Variants in API5 observed in about 807,000 individuals in gnomAD.
API5 encodes the protein apoptosis inhibitor 5.
A neutral mutation model predicts 71.9 loss-of-function variants in API5; 6 were observed. The observed-to-expected ratio is 0.08, with a 90% confidence interval of 0.05 to 0.16. The LOEUF is 0.16. Ranked by LOEUF, API5 falls within the 10% of genes least tolerant of loss-of-function variation. The pLI is 1.00. For synonymous variants in API5, 189 were observed against 221.3 expected (o/e 0.85, Z 1.30); for missense variants, 332 against 612.8 (o/e 0.54, Z 4.84).
intron 2 of API5, among the ~76,000 whole-genome samples, chr11:43,320,405 T>C (rs963543983): frequency 2.0e-5 from 3 of 152,102 alleles, no homozygotes; most frequent in Non-Finnish European, 2.9e-5. Flanking sequence ...TTGTGACTCG[T>C]ATGCCCCTAA....
intron 5 of API5, 41 bp from the exon 6 acceptor site, chr11:43,323,389 A>C (rs931644570): frequency 1.3e-6 from 2 of 1,524,818 alleles, no homozygotes; most frequent in African/African-American, 2.7e-5. Flanking sequence ...GTCCCATTCA[A>C]ATGATGAACA....
At chr11:43,315,167 C>T (rs1854627730) in intron 1 of API5, among the ~76,000 whole-genome samples, 1 of 152,158 alleles carries the variant, frequency 6.6e-6, no homozygotes, top group African/African-American at 2.4e-5. Context: ...ATTCCCTCCC[C>T]ATTATTGTCA....
chr11:43,312,117 T>A lies in API5; in HGVS notation c.-11T>A. The A allele has an allele frequency of 3.1e-6, 5 of 1,613,506 alleles. No homozygotes were observed. Among genetic ancestry groups the A allele is most frequent in the Non-Finnish European group, 4.2e-6 (5 of 1,179,888 alleles). On this transcript the variant is annotated 5_prime_UTR_variant, in exon 1 of 14. Transcript: ENST00000531273. ...GGATAGCGGAACCGGGCCCTGGGCT[T>A]GTCGCTCACCATGCCGACAGTAGAG...
intron 5 of API5, 64 bp downstream of exon 5, chr11:43,322,200 G>A: frequency 2.1e-6 from 3 of 1,445,582 alleles, no homozygotes; most frequent in South Asian, 1.4e-5. Flanking sequence ...GACATTGGCA[G>A]TATTCGTCAA....
chr11:43,340,032 T>G (rs1015621498), intron 13 of API5, among the ~76,000 whole-genome samples: 1 of 151,994 alleles, frequency 6.6e-6, no homozygotes, highest in African/African-American at 2.4e-5. Flanking sequence ...ATGTTATATA[T>G]ATAAAAACAA....
chr11:43,326,111 A>G (rs1426122059), intron 6 of API5, among the ~76,000 whole-genome samples: 2 of 152,124 alleles, frequency 1.3e-5, no homozygotes, highest in African/African-American at 4.8e-5. Flanking sequence ...CCTAATCTTA[A>G]AAAACATCTT....
intron 6 of API5, among the ~76,000 whole-genome samples, chr11:43,324,880 T>C (rs1855016516): frequency 6.6e-6 from 1 of 151,972 alleles, no homozygotes; most frequent in African/African-American, 2.4e-5. Flanking sequence ...GGTTTTGCCA[T>C]GTTGCCCAGG....
At chr11:43,339,112 A>C (rs1010943664) in intron 13 of API5, 17 of 152,204 alleles carry the variant, frequency 1.1e-4, no homozygotes, top group African/African-American at 4.1e-4. Flanking sequence ...GCTTGTAAAA[A>C]AATGTGTCAT....
At chr11:43,324,669 CATTTATTT>C (rs559979340) in intron 6 of API5, among the ~76,000 whole-genome samples, 19 of 151,880 alleles carry the variant, frequency 1.3e-4, no homozygotes, top group South Asian at 6.2e-4. Context: ...GTCCACAATT[CATTTATTT>C]ATTTATTTAT....
intron 13 of API5, among the ~76,000 whole-genome samples, chr11:43,337,425 ATTC>A (rs1160122534): frequency 1.3e-5 from 2 of 152,216 alleles, no homozygotes; most frequent in African/African-American, 4.8e-5. Context: ...TAACAGTTGA[ATTC>A]TTCTAATGTC....
At position 43,327,887 on chromosome 11, in the gene API5, T is replaced by G. The variant is rs776211232; in HGVS notation, c.945+9T>G. The G allele has an allele frequency of 6.9e-6, 11 of 1,586,924 alleles. No homozygotes were observed. The highest frequency in any genetic ancestry group is 1.7e-4 in the Middle Eastern group (1 of 6,026). On this transcript the variant is annotated intron_variant, in intron 8 of 13. Coordinates refer to ENST00000531273, the MANE Select transcript of API5 (RefSeq NM_001142930.2). The stretch of plus-strand genomic sequence containing the variant: ...TATTTGATAAGTTATTGGTAAGAAC[T>G]TTTTCCTTTCCTTATGGGATAGTCA...
intron 13 of API5, among the ~76,000 whole-genome samples, chr11:43,338,001 T>G (rs544706488): frequency 6.6e-6 from 1 of 152,272 alleles, no homozygotes; most frequent in African/African-American, 2.4e-5. Context: ...ATGAGAAACA[T>G]AAGCAAAGTT....
rs1855686511 is a variant in API5 at position 43,343,392 on chromosome 11, A to G, written c.*882A>G. ...CTAAGTTAGTTGCACTTACATGATT[A>G]TTGTTATTTAAAACTAAGAATAAAG... On this transcript the variant is annotated 3_prime_UTR_variant, in exon 14 of 14. Transcript: ENST00000531273. 1 of 152,548 alleles carries G rather than the reference A, an allele frequency of 6.6e-6. No homozygotes were observed. Among genetic ancestry groups the G allele is most frequent in the African/African-American group, 2.4e-5 (1 of 41,570 alleles). 9.4% of individuals were successfully genotyped at this position (152,548 alleles called of 1,614,324 possible).
rs377415422 is a variant in API5, at chr11:43,312,080, C to T, written c.-48C>T. The T allele has an allele frequency of 1.2e-6, 2 of 1,603,952 alleles. No individual in the cohort carries two copies. Among genetic ancestry groups the T allele is most frequent in the Non-Finnish European group, 8.5e-7 (1 of 1,173,146 alleles). ...AGAAGTTCCGAGGCGGCGGTGGCGCCGGTCAGGACAAGGATAGCGGAACCG... is the reference window on the plus strand; with the variant it reads ...AGAAGTTCCGAGGCGGCGGTGGCGCTGGTCAGGACAAGGATAGCGGAACCG... On this transcript the variant is annotated 5_prime_UTR_variant, in exon 1 of 14. Coordinates refer to ENST00000531273, the MANE Select transcript of API5 (RefSeq NM_001142930.2).
intron 4 of API5, 110 bp downstream of exon 4, chr11:43,321,586 A>G: frequency 2.2e-6 from 2 of 896,936 alleles, no homozygotes; most frequent in Non-Finnish European, 3.3e-6. Flanking sequence ...CTATTTCATA[A>G]AAATTCTAAG....
At chr11:43,330,157 T>A in intron 10 of API5, 99 bp downstream of exon 10, 2 of 928,282 alleles carry the variant, frequency 2.2e-6, no homozygotes, top group Non-Finnish European at 3.4e-6. Flanking sequence ...TCACCTAATT[T>A]AACAGTCTTC....
In API5 at chr11:43,322,065, A is replaced by G; in HGVS notation, c.472A>G (p.Lys158Glu). Residue 158 changes from lysine (K) to glutamate (E), a missense_variant, in exon 5 of 14, where the codon AAA becomes GAA. Physicochemically the swap from Lys to Glu is moderately conservative, Grantham distance 56. This residue lies in a region of API5 where 127 missense variants were observed against 237.6 expected (regional missense o/e 0.53). Coordinates refer to ENST00000531273, the MANE Select transcript of API5 (RefSeq NM_001142930.2). Reference protein sequence around the residue: ...RERAIKFLSTKLKTLPDEVLT... With the variant: ...RERAIKFLSTELKTLPDEVLT... ...ACGAGCAATTAAATTCCTTTCTACA[A>G]AACTTAAGACTTTACCAGATGAAGT... The G allele has an allele frequency of 6.2e-7, 1 of 1,613,760 alleles. No homozygotes were observed. The highest frequency in any genetic ancestry group is 8.5e-7 in the Non-Finnish European group (1 of 1,179,870).
chr11:43,324,818 C>T (rs1855013747), intron 6 of API5, among the ~76,000 whole-genome samples: 1 of 152,050 alleles, frequency 6.6e-6, no homozygotes, highest in Non-Finnish European at 1.5e-5. Context: ...GCTGGGATTA[C>T]AGGCAAGCAC....
chr11:43,312,343 G>T, intron 1 of API5, 147 bp downstream of exon 1: 1 of 830,204 alleles, frequency 1.2e-6, no homozygotes. Flanking sequence ...CGTCGGGGTG[G>T]GCCTCTCTGG....
Sources: allele counts gnomAD v4.1 joint callset (sites outside exome capture counted in the v4.1 genomes callset), GRCh38; gene constraint gnomAD v4.1.1; regional missense constraint gnomAD v4.1.1; transcripts MANE v1.5; gene names NCBI Gene and HGNC (gene_info 2026-07-23, HGNC 2026-07-21).